The following FGGY variants were observed in gnomAD, a reference collection of about 807,000 sequenced individuals.
FGGY encodes the protein FGGY carbohydrate kinase domain-containing protein.
Under a neutral mutation model 71.3 loss-of-function variants are expected in FGGY, and 72 were observed. The observed-to-expected ratio is 1.01, with a 90% CI of 0.84 to 1.23. The LOEUF (loss-of-function observed/expected upper bound fraction) is 1.23, where lower values mean the gene tolerates loss of function less well. Ranked by LOEUF, FGGY falls within the 50% of genes most tolerant of loss-of-function variation. FGGY has a pLI of 0.00. For missense variants in FGGY, 668 were observed against 682.3 expected (o/e 0.98, Z 0.23); for synonymous variants, 251 against 250.3 (o/e 1.00, Z -0.02).
chr1:59,382,855 T>C (rs773447940), intron 5 of FGGY, among the ~76,000 whole-genome samples: 1 of 152,166 alleles, frequency 6.6e-6, no homozygotes, highest in African/African-American at 2.4e-5. Flanking sequence ...TTTGACTGCC[T>C]CCCTGATTCT....
intron 8 of FGGY, among the ~76,000 whole-genome samples, chr1:59,590,796 A>G (rs1396510879): frequency 1.3e-5 from 2 of 152,200 alleles, no homozygotes; most frequent in African/African-American, 2.4e-5. Context: ...TCTCAAAATA[A>G]TAAGAGCTAT....
chr1:59,608,400 G>C (rs866732203), intron 9 of FGGY, among the ~76,000 whole-genome samples: 48 of 152,026 alleles, frequency 3.2e-4, no homozygotes, highest in African/African-American at 1.1e-3. Flanking sequence ...CTTTATACAG[G>C]CTTCTTTCCC....
intron 7 of FGGY, among the ~76,000 whole-genome samples, chr1:59,526,557 T>TA (rs2094987159): frequency 6.6e-6 from 1 of 152,188 alleles, no homozygotes; most frequent in African/African-American, 2.4e-5. Flanking sequence ...GTAAAAATGT[T>TA]ACAAGAGTAT....
chr1:59,603,967 A>G (rs1171629798), intron 8 of FGGY, among the ~76,000 whole-genome samples: 1 of 152,138 alleles, frequency 6.6e-6, no homozygotes, highest in Non-Finnish European at 1.5e-5. Context: ...ATGTTATTTA[A>G]CTCTCTGCCT....
chr1:59,346,947 CT>C (rs71580898), intron 4 of FGGY, among the ~76,000 whole-genome samples: 24,017 of 112,132 alleles, frequency 0.21, 2,448 homozygotes, highest in East Asian at 0.45. Context: ...AAAATCAATT[CT>C]TTTTTTTTTT....
chr1:59,669,146 G>A (rs912676664), intron 13 of FGGY, among the ~76,000 whole-genome samples: 2 of 152,126 alleles, frequency 1.3e-5, no homozygotes, highest in Non-Finnish European at 2.9e-5. Flanking sequence ...GGTAGAAATC[G>A]GTGCCCCCAT....
chr1:59,587,963 T>C (rs575985317), intron 8 of FGGY, among the ~76,000 whole-genome samples: 1 of 151,940 alleles, frequency 6.6e-6, no homozygotes, highest in Non-Finnish European at 1.5e-5. Context: ...CTTTGACGAG[T>C]TGAGAGAAGG....
At chr1:59,601,928 C>T in intron 8 of FGGY, among the ~76,000 whole-genome samples, 1 of 152,158 alleles carries the variant, frequency 6.6e-6, no homozygotes, top group East Asian at 1.9e-4. Flanking sequence ...AAAGCAAGTA[C>T]TAGGGGTACT....
chr1:59,395,542 C>T (rs2061224150), intron 5 of FGGY, among the ~76,000 whole-genome samples: 1 of 152,130 alleles, frequency 6.6e-6, no homozygotes, highest in Non-Finnish European at 1.5e-5. Context: ...GTTCTGTTCA[C>T]AGCTCTATCC....
Position 59,437,955 on chromosome 1 carries a change from G to C in FGGY, c.555-19006G>C, listed in dbSNP as rs1406763730. ...TAATGAGAGATTATCCATAAAACTT[G>C]ATGCACAGATTTCAGGAGAAGTCTT... On this transcript the variant is annotated intron_variant, in intron 5 of 15. Coordinates refer to ENST00000303721, the MANE Select transcript of FGGY (RefSeq NM_018291.5). Among the ~76,000 whole-genome samples the C allele has an allele frequency of 2.0e-5, 3 of 152,184 alleles. No homozygotes were observed. The East Asian group carries it at 5.8e-4, about 29-fold the overall frequency.
chr1:59,383,445 CG>C (rs2059716390), intron 5 of FGGY, among the ~76,000 whole-genome samples: 2 of 152,126 alleles, frequency 1.3e-5, no homozygotes, highest in Admixed American at 1.3e-4. Flanking sequence ...TAAGGCCCCC[CG>C]CCATCTGAAT....
intron 8 of FGGY, among the ~76,000 whole-genome samples, chr1:59,564,145 C>G (rs1376455341): frequency 6.6e-6 from 1 of 152,152 alleles, no homozygotes; most frequent in Non-Finnish European, 1.5e-5. Context: ...GACTTCATGA[C>G]TAAAACACCA....
In FGGY at chr1:59,472,708, C is replaced by T. The variant is rs182314941; in HGVS notation, c.670+15632C>T. Among the ~76,000 whole-genome samples, 98 of 152,304 alleles carry T rather than the reference C, an allele frequency of 6.4e-4. 1 individual carries two copies. Among genetic ancestry groups the T allele is most frequent in the African/African-American group, 2.2e-3 (93 of 41,568 alleles). On this transcript the variant is annotated intron_variant, in intron 6 of 15. Transcript: ENST00000303721. Reference sequence around the variant, plus strand: ...GCACCAGTCCACACTCTGTATCTAGCTACTCTGGTGGGGACTTGGAGAACC... The same window carrying T: ...GCACCAGTCCACACTCTGTATCTAGTTACTCTGGTGGGGACTTGGAGAACC...
chr1:59,490,849 A>C (rs569344477), intron 6 of FGGY, among the ~76,000 whole-genome samples: 91 of 151,948 alleles, frequency 6.0e-4, no homozygotes, highest in African/African-American at 2.2e-3. Context: ...GGTGGATTAA[A>C]GTCTGTGTTC....
intron 6 of FGGY, among the ~76,000 whole-genome samples, chr1:59,472,311 C>G (rs533479917): frequency 2.0e-5 from 3 of 152,362 alleles, no homozygotes; most frequent in African/African-American, 7.2e-5. Flanking sequence ...GGGGCCTTAG[C>G]TGCCTTCCCG....
Position 59,567,846 on chromosome 1 carries a change from T to TA in FGGY, c.903+13625dup, listed in dbSNP as rs558133708. On this transcript the variant is annotated intron_variant, in intron 8 of 15. Coordinates refer to ENST00000303721, the MANE Select transcript of FGGY (RefSeq NM_018291.5). ...TCTCCTGATAAAAATCCTTTGTCGA[T>TA]AAAAAATCCTTTGTCAAGTCTCCTG... Among the ~76,000 whole-genome samples, 246 of 150,626 alleles carry TA rather than the reference T, an allele frequency of 1.6e-3. 1 individual carries two copies. Among genetic ancestry groups the TA allele is most frequent in the African/African-American group, 5.3e-3 (217 of 40,934 alleles).
At chr1:59,582,383 C>G (rs768564537) in intron 8 of FGGY, among the ~76,000 whole-genome samples, 4 of 150,098 alleles carry the variant, frequency 2.7e-5, no homozygotes, top group Admixed American at 6.6e-5. Flanking sequence ...TTTGCACTGT[C>G]CTTACAGTAA....
At chr1:59,504,561 A>G (rs1287904297) in intron 6 of FGGY, among the ~76,000 whole-genome samples, 2 of 152,208 alleles carry the variant, frequency 1.3e-5, no homozygotes, top group Non-Finnish European at 2.9e-5. Flanking sequence ...AGAAACTCCT[A>G]CACATTTAGT....
At chr1:59,324,487 G>A (rs907801771) in intron 2 of FGGY, among the ~76,000 whole-genome samples, 7 of 150,950 alleles carry the variant, frequency 4.6e-5, no homozygotes, top group African/African-American at 9.7e-5. Flanking sequence ...CGTTTTAGCC[G>A]GGATGGTCTC....
Sources: allele counts gnomAD v4.1 joint callset (sites outside exome capture counted in the v4.1 genomes callset), GRCh38; gene constraint gnomAD v4.1.1; transcripts MANE v1.5; gene names NCBI Gene and HGNC (gene_info 2026-07-23, HGNC 2026-07-21).